Variants in CECR2 observed in about 807,000 individuals in gnomAD.
CECR2 encodes CECR2 histone acetyl-lysine reader, also known as chromatin remodeling regulator CECR2.
CECR2 carries 30 observed loss-of-function variants against 154.5 expected under a neutral mutation model. The observed-to-expected ratio is 0.19, with a 90% confidence interval of 0.15 to 0.26. CECR2 has a LOEUF of 0.26. Ranked by LOEUF, CECR2 falls within the 10% of genes least tolerant of loss-of-function variation. The pLI, the probability that CECR2 is intolerant of heterozygous loss-of-function variation, is 1.00. For missense variants in CECR2, 1,743 were observed against 1,829.3 expected (o/e 0.95, Z 0.86); for synonymous variants, 725 against 683.7 (o/e 1.06, Z -0.94).
At chr22:17,461,331 C>T (rs1270320246) in intron 1 of CECR2, among the ~76,000 whole-genome samples, 4 of 152,240 alleles carry the variant, frequency 2.6e-5, no homozygotes, top group East Asian at 1.9e-4. Context: ...AAGTTATTTC[C>T]TTTATCCTCT....
At chr22:17,418,460 T>C (rs1445563569) in intron 1 of CECR2, among the ~76,000 whole-genome samples, 1 of 152,042 alleles carries the variant, frequency 6.6e-6, no homozygotes, top group African/African-American at 2.4e-5. Context: ...GAGGTTTCTA[T>C]TGCACCTCTT....
chr22:17,430,943 T>C (rs1439419285), intron 1 of CECR2, among the ~76,000 whole-genome samples: 2 of 152,222 alleles, frequency 1.3e-5, no homozygotes, highest in Non-Finnish European at 2.9e-5. Context: ...TTAGTTTTAT[T>C]TGATCACAAC....
chr22:17,380,768 T>C (rs2063178007), intron 1 of CECR2, among the ~76,000 whole-genome samples: 2 of 152,240 alleles, frequency 1.3e-5, no homozygotes, highest in Non-Finnish European at 1.5e-5. Flanking sequence ...TTCCTGAGAA[T>C]GGATAAGTTC....
chr22:17,529,699 CAAAA>C (rs34980904), intron 9 of CECR2, among the ~76,000 whole-genome samples: 2 of 100,516 alleles, frequency 2.0e-5, no homozygotes, highest in Admixed American at 1.1e-4. Flanking sequence ...GATTCCGTCT[CAAAA>C]AAAAAAAAAA....
At chr22:17,527,250 G>C (rs1011849571) in intron 9 of CECR2, among the ~76,000 whole-genome samples, 2 of 152,156 alleles carry the variant, frequency 1.3e-5, no homozygotes, top group East Asian at 1.9e-4. Context: ...TTTAGCACAG[G>C]AGTTCAAGAC....
chr22:17,518,170 G>T (rs1419054864), intron 8 of CECR2, among the ~76,000 whole-genome samples: 2 of 152,176 alleles, frequency 1.3e-5, no homozygotes, highest in Non-Finnish European at 2.9e-5. Context: ...CCAGCAAAGA[G>T]AGTTTATTAG....
chr22:17,552,593 T>C (rs2146162683), intron 18 of CECR2, among the ~76,000 whole-genome samples: 1 of 152,176 alleles, frequency 6.6e-6, no homozygotes, highest in South Asian at 2.1e-4. Flanking sequence ...TAGTTCTCAT[T>C]GGCTGCATCA....
At position 17,404,368 on chromosome 22, in the gene CECR2, CTTTTT is replaced by C. The variant is rs1161498081; in HGVS notation, c.126+34478_126+34482del. Among the ~76,000 whole-genome samples the C allele has an allele frequency of 5.2e-3, 150 of 28,718 alleles. 5 individuals carry two copies. Among genetic ancestry groups the C allele is most frequent in the African/African-American group, 0.012 (71 of 5,758 alleles). The allele number at this position is 28,718 out of a possible 152,430, so 18.8% of individuals were successfully genotyped here. A position where few individuals can be genotyped will look rare whatever the true frequency, so the allele number is the denominator to read the frequency against. The stretch of plus-strand genomic sequence containing the variant: ...GGTTCATTTCTGGACCCTGTTCTTT[CTTTTT>C]TTTTTTTTTTTTTTTTTTGAGACGG... On this transcript the variant is annotated intron_variant, in intron 1 of 18. Coordinates refer to ENST00000262608, the MANE Select transcript of CECR2 (RefSeq NM_001290047.2).
At chr22:17,463,329 C>CA (rs1351039875) in intron 1 of CECR2, among the ~76,000 whole-genome samples, 1 of 152,074 alleles carries the variant, frequency 6.6e-6, no homozygotes, top group Non-Finnish European at 1.5e-5. Context: ...GACATTGGTA[C>CA]AAAGGGGTGG....
At chr22:17,414,979 G>A (rs1258960878) in intron 1 of CECR2, among the ~76,000 whole-genome samples, 1 of 152,156 alleles carries the variant, frequency 6.6e-6, no homozygotes, top group Non-Finnish European at 1.5e-5. Context: ...ATCAATTTTA[G>A]ACAGTGTAAA....
At position 17,540,601 on chromosome 22, in the gene CECR2, G is replaced by T. The variant is rs1159521491; in HGVS notation, c.1685G>T (p.Gly562Val). ...TGGACCCGCTCCAGGGACCCAGAAG[G>T]GTCCAGCAGGAAACAGCAGCCCATG... ...HVWTRSRDPE[G>V]SSRKQQPMEN... The change falls in exon 14 of 19, where the codon GGG becomes GTG. Residue 562 changes from glycine (G) to valine (V), a missense_variant. Physicochemically the swap from Gly to Val is moderately radical, Grantham distance 109. Coordinates refer to ENST00000262608, the MANE Select transcript of CECR2 (RefSeq NM_001290047.2). 10 of 1,613,524 alleles carry T rather than the reference G, an allele frequency of 6.2e-6. No individual in the cohort carries two copies. Among genetic ancestry groups the T allele is most frequent in the Non-Finnish European group, 8.5e-6 (10 of 1,179,748 alleles).
At chr22:17,485,642 C>T (rs1035560305) in intron 2 of CECR2, among the ~76,000 whole-genome samples, 1 of 151,958 alleles carries the variant, frequency 6.6e-6, no homozygotes, top group East Asian at 1.9e-4. Flanking sequence ...GGTACAGTGG[C>T]GCACACCTGT....
chr22:17,482,145 C>T lies in CECR2; in HGVS notation c.221+4463C>T, dbSNP rs1274117425. On this transcript the variant is annotated intron_variant, in intron 2 of 18. Transcript: ENST00000262608. ...AAAAAAAAAAAAAAAAAAAAAAGGG[C>T]GTGGCATGGTGACTCACGCCTGCAA... Among the ~76,000 whole-genome samples, 15 of 116,722 alleles carry T rather than the reference C, an allele frequency of 1.3e-4. 2 individuals carry two copies. The highest frequency in any genetic ancestry group is 1.2e-4 in the Non-Finnish European group (7 of 57,596). 76.6% of individuals were successfully genotyped at this position (116,722 alleles called of 152,430 possible).
At chr22:17,390,755 C>A (rs1213941625) in intron 1 of CECR2, among the ~76,000 whole-genome samples, 1 of 152,036 alleles carries the variant, frequency 6.6e-6, no homozygotes, top group Non-Finnish European at 1.5e-5. Flanking sequence ...GAATGACAGG[C>A]GTGAGCCACC....
At chr22:17,486,506 C>T (rs1406002117) in intron 2 of CECR2, among the ~76,000 whole-genome samples, 2 of 152,172 alleles carry the variant, frequency 1.3e-5, no homozygotes, top group African/African-American at 4.8e-5. Context: ...TGGGGACGCC[C>T]CTTGCGGCTT....
At chr22:17,391,444 C>G (rs1276084892) in intron 1 of CECR2, among the ~76,000 whole-genome samples, 1 of 152,230 alleles carries the variant, frequency 6.6e-6, no homozygotes, top group Admixed American at 6.5e-5. Flanking sequence ...CACTCTGGCT[C>G]CGGTCCAGGC....
At chr22:17,395,274 C>T (rs772752335) in intron 1 of CECR2, among the ~76,000 whole-genome samples, 12 of 152,246 alleles carry the variant, frequency 7.9e-5, no homozygotes, top group Non-Finnish European at 1.6e-4. Context: ...GGAATCCACC[C>T]ACCTCTGCCT....
rs779270148 is a variant in CECR2 at position 17,549,347 on chromosome 22, C to T, written c.4060C>T (p.Pro1354Ser). ...QTGPPYTPQR[P>S]ASHFQPRAYS... The stretch of plus-strand genomic sequence containing the variant: ...GGGGCCTCCCTATACCCCTCAGCGG[C>T]CGGCCAGTCACTTTCAGCCCAGGGC... The change falls in exon 17 of 19, where the codon CCG becomes TCG. Residue 1354 changes from proline to serine, a missense_variant. By Grantham distance (74) the Pro-to-Ser change is moderately conservative (BLOSUM62 -1). Coordinates refer to ENST00000262608, the MANE Select transcript of CECR2 (RefSeq NM_001290047.2). 7 of 1,613,828 alleles carry T rather than the reference C, an allele frequency of 4.3e-6. No homozygotes were observed. The South Asian group carries it at 7.7e-5, about 18-fold the overall frequency.
chr22:17,386,850 CATATTG>C (rs2063268653), intron 1 of CECR2, among the ~76,000 whole-genome samples: 1 of 152,068 alleles, frequency 6.6e-6, no homozygotes, highest in Non-Finnish European at 1.5e-5. Context: ...AGGGTTTCAT[CATATTG>C]GTCAGGCTGG....
Sources: gnomAD v4.1 joint callset for allele counts (sites outside exome capture counted in the v4.1 genomes callset) on GRCh38, gnomAD v4.1.1 for gene constraint, MANE v1.5 for transcripts, NCBI Gene and HGNC (gene_info 2026-07-23, HGNC 2026-07-21) for gene names.